Variants in CELF4 observed in about 807,000 individuals in gnomAD.
CELF4 encodes the protein CUG-BP- and ETR-3-like factor 4.
Under a neutral mutation model 59.9 loss-of-function variants are expected in CELF4, and 18 were observed. That is an observed-to-expected ratio of 0.30 (90% CI 0.21 to 0.45). The LOEUF is 0.45. Ranked by LOEUF, CELF4 falls within the 20% of genes least tolerant of loss-of-function variation. The probability of loss-of-function intolerance (pLI) is 1.00; values close to 1 mark genes in which losing one functional copy is unlikely to be tolerated. For synonymous variants in CELF4, 261 were observed against 267.1 expected, an observed-to-expected ratio of 0.98 and a Z score of 0.22; for missense variants, 456 against 689.0, an observed-to-expected ratio of 0.66 and a Z score of 3.79.
chr18:37,269,957 C>A (rs2090320558), intron 8 of CELF4, among the ~76,000 whole-genome samples: 1 of 152,160 alleles, frequency 6.6e-6, no homozygotes, highest in African/African-American at 2.4e-5. Flanking sequence ...CTAACCTCAT[C>A]CTCTGCCTCC....
chr18:37,266,512 T>C (rs781639203), intron 9 of CELF4, 21 bp downstream of exon 9: 1 of 1,580,318 alleles, frequency 6.3e-7, no homozygotes, highest in South Asian at 1.2e-5. Context: ...GAAGGAGCCG[T>C]GGGGACGCGT....
chr18:37,387,025 G>A (rs1279313586), intron 2 of CELF4, among the ~76,000 whole-genome samples: 3 of 152,228 alleles, frequency 2.0e-5, no homozygotes, highest in Non-Finnish European at 4.4e-5. Context: ...CGGCACGCAC[G>A]GGGCTGAGCC....
At position 37,243,916 on chromosome 18, in the gene CELF4, G is replaced by A; in HGVS notation, c.*1326C>T. 5.4e-6 allele frequency: 1 copy of A among 186,578 alleles called. No individual in the cohort carries two copies. Among genetic ancestry groups the A allele is most frequent in the South Asian group, 1.7e-4 (1 of 5,954 alleles). 11.6% of individuals were successfully genotyped at this position (186,578 alleles called of 1,614,324 possible). ...AGCGAGAGGCGAGGATGACGGCGGC[G>A]GCGGCGGCGGCGACCCGGGCGACGC... On this transcript the variant is annotated 3_prime_UTR_variant, in exon 13 of 13. Coordinates refer to ENST00000420428, the MANE Select transcript of CELF4 (RefSeq NM_020180.4).
intron 11 of CELF4, among the ~76,000 whole-genome samples, chr18:37,257,938 A>C (rs1360984509): frequency 6.6e-6 from 1 of 152,224 alleles, no homozygotes; most frequent in African/African-American, 2.4e-5. Context: ...AAATTCCAGG[A>C]GGAGGTCTGA....
chr18:37,377,441 C>T (rs2098984015), intron 2 of CELF4, among the ~76,000 whole-genome samples: 1 of 152,230 alleles, frequency 6.6e-6, no homozygotes. Flanking sequence ...CCAGACCAGT[C>T]TGTGGGACCC....
chr18:37,385,753 A>T (rs528809808), intron 2 of CELF4, among the ~76,000 whole-genome samples: 4 of 152,330 alleles, frequency 2.6e-5, no homozygotes, highest in Admixed American at 2.6e-4. Context: ...TTCAAGTGCG[A>T]ATCCTGTTTT....
At chr18:37,284,474 C>T (rs1215502749) in intron 3 of CELF4, among the ~76,000 whole-genome samples, 5 of 152,212 alleles carry the variant, frequency 3.3e-5, no homozygotes, top group Non-Finnish European at 7.3e-5. Flanking sequence ...GCACCATGCC[C>T]TCCCTTGGCT....
chr18:37,397,244 C>T (rs2154580300), intron 2 of CELF4, among the ~76,000 whole-genome samples: 1 of 152,118 alleles, frequency 6.6e-6, no homozygotes, highest in African/African-American at 2.4e-5. Context: ...CACAACCAGC[C>T]CCTCACCCTC....
rs2061928363 is a variant in CELF4 at position 37,245,958 on chromosome 18, A to G, written c.*45-761T>C. On this transcript the variant is annotated intron_variant, in intron 12 of 12. Coordinates refer to ENST00000420428, the MANE Select transcript of CELF4 (RefSeq NM_020180.4). This position sits in a 1 kb window ranked among gnomAD's most constrained non-coding sequence, Gnocchi z 4.1. The stretch of plus-strand genomic sequence containing the variant: ...AAGGTCAGAAGAGATTTAATTATCA[A>G]ACTTAAATAAATTAACTCAGACAGT... Among the ~76,000 whole-genome samples, 1 of 152,212 alleles carries G rather than the reference A, an allele frequency of 6.6e-6. No individual in the cohort carries two copies.
chr18:37,510,670 T>G (rs1474871860), intron 1 of CELF4, among the ~76,000 whole-genome samples: 1 of 152,146 alleles, frequency 6.6e-6, no homozygotes, highest in Non-Finnish European at 1.5e-5. Context: ...GGTGCCAGAG[T>G]TTCTCCCTGT....
chr18:37,425,401 T>G (rs1603638390), intron 2 of CELF4, among the ~76,000 whole-genome samples: 1 of 152,262 alleles, frequency 6.6e-6, no homozygotes. Flanking sequence ...GGAAGCCAGC[T>G]GCAGGGAGGG....
intron 2 of CELF4, among the ~76,000 whole-genome samples, chr18:37,326,858 C>T (rs2097335598): frequency 6.6e-6 from 1 of 152,168 alleles, no homozygotes; most frequent in African/African-American, 2.4e-5. Flanking sequence ...CTTTTTGCAT[C>T]AACACATATC....
intron 2 of CELF4, among the ~76,000 whole-genome samples, chr18:37,442,818 C>T (rs1271014701): frequency 6.6e-6 from 1 of 152,210 alleles, no homozygotes; most frequent in Non-Finnish European, 1.5e-5. Context: ...TTGTAGAATT[C>T]TCTAAGGAAC....
chr18:37,489,995 CA>C (rs780008787), intron 1 of CELF4, among the ~76,000 whole-genome samples: 2 of 150,512 alleles, frequency 1.3e-5, no homozygotes, highest in Admixed American at 6.6e-5. Flanking sequence ...CTTGGAATAG[CA>C]AAAAAAAATT....
At chr18:37,294,425 G>A (rs2095525013) in intron 3 of CELF4, among the ~76,000 whole-genome samples, 1 of 152,162 alleles carries the variant, frequency 6.6e-6, no homozygotes, top group Non-Finnish European at 1.5e-5. Flanking sequence ...TCTGCCCCGA[G>A]TAGGTGACAA....
chr18:37,425,350 T>G (rs951462293), intron 2 of CELF4, among the ~76,000 whole-genome samples: 1 of 152,218 alleles, frequency 6.6e-6, no homozygotes, highest in Non-Finnish European at 1.5e-5. Flanking sequence ...ACAAGGCCCC[T>G]CCGGGGCTCT....
At chr18:37,437,851 C>G (rs1366828825) in intron 2 of CELF4, among the ~76,000 whole-genome samples, 1 of 152,160 alleles carries the variant, frequency 6.6e-6, no homozygotes, top group Non-Finnish European at 1.5e-5. Context: ...ACGTTTGTGT[C>G]CCCCTGCCAC....
chr18:37,499,898 G>A (rs1327463393), intron 1 of CELF4, among the ~76,000 whole-genome samples: 1 of 152,182 alleles, frequency 6.6e-6, no homozygotes, highest in African/African-American at 2.4e-5. Flanking sequence ...GGAGGAGTGG[G>A]GCATGGGAAG....
In CELF4 at chr18:37,439,439, G is replaced by A. The variant is rs183714040; in HGVS notation, c.369+46086C>T. Reference sequence around the variant, plus strand: ...TGCATGTGTGTGTGTGCATGTGTGCGTCTGAAATACTGAGGAGCTCATGAG... The same window carrying A: ...TGCATGTGTGTGTGTGCATGTGTGCATCTGAAATACTGAGGAGCTCATGAG... On this transcript the variant is annotated intron_variant, in intron 2 of 12. Transcript: ENST00000420428. Among the ~76,000 whole-genome samples the A allele has an allele frequency of 1.8e-4, 27 of 152,262 alleles. No homozygotes were observed. In the East Asian group the frequency reaches 2.1e-3, roughly 12 times the overall value.
Sources: gnomAD v4.1 joint callset for allele counts (sites outside exome capture counted in the v4.1 genomes callset) on GRCh38, gnomAD v4.1.1 for gene constraint, Gnocchi (gnomAD v3.1) non-coding constraint, MANE v1.5 for transcripts, NCBI Gene and HGNC (gene_info 2026-07-23, HGNC 2026-07-21) for gene names.